Variants in CCL17 observed in about 807,000 individuals in gnomAD.
CCL17 encodes C-C motif chemokine 17.
A neutral mutation model predicts 7.4 loss-of-function variants in CCL17; 8 were observed. The observed-to-expected ratio is 1.09, with a 90% CI of 0.64 to 1.96. CCL17 has a LOEUF of 1.96. Ranked by LOEUF, CCL17 falls within the 30% of genes most tolerant of loss-of-function variation. The probability of loss-of-function intolerance (pLI) is 0.00; values close to 1 mark genes in which losing one functional copy is unlikely to be tolerated. For missense variants in CCL17, 102 were observed against 113.0 expected (o/e 0.90, Z 0.44); for synonymous variants, 40 against 46.1 (o/e 0.87, Z 0.54).
chr16:57,396,903 G>T, the CCL17 span, among the ~76,000 whole-genome samples: 32 of 152,254 alleles, frequency 2.1e-4, no homozygotes, highest in Non-Finnish European at 3.8e-4. Context: ...TTTTTTCATT[G>T]CTTGTGTAAT....
upstream of CCL17, among the ~76,000 whole-genome samples, chr16:57,401,854 C>T (rs1434047097): frequency 3.3e-5 from 5 of 152,190 alleles, no homozygotes; most frequent in East Asian, 1.9e-4. Flanking sequence ...CCCCCGGGGA[C>T]GTCACCTGAG....
chr16:57,400,914 G>A (rs1902582783), upstream of CCL17, among the ~76,000 whole-genome samples: 1 of 151,914 alleles, frequency 6.6e-6, no homozygotes, highest in African/African-American at 2.4e-5. Context: ...GTTGCAGTGA[G>A]TCGAGACCAT....
rs118176633 is a variant in CCL17 at position 57,410,010 on chromosome 16, C to T, written c.-59-3864C>T. ...CGGGCAAGTCACTGCCCTGATGAGC[C>T]TCAGGTGACACTGGTGTGACCGGGA... On this transcript the variant is annotated intron_variant, in intron 1 of 3. Coordinates refer to ENST00000219244, the MANE Select transcript of CCL17 (RefSeq NM_002987.3). Among the ~76,000 whole-genome samples the T allele has an allele frequency of 1.1e-3, 165 of 152,292 alleles. 5 individuals carry two copies. In the East Asian group the frequency reaches 0.028, roughly 26 times the overall value.
chr16:57,415,714 TGG>T lies in CCL17; in HGVS notation c.189-47_189-46del. 1 of 1,231,218 alleles carries T rather than the reference TGG, an allele frequency of 8.1e-7. No homozygotes were observed. Among genetic ancestry groups the T allele is most frequent in the Non-Finnish European group, 1.2e-6 (1 of 831,496 alleles). The allele number at this position is 1,231,218 out of a possible 1,614,324, so 76.3% of individuals were successfully genotyped here. On this transcript the variant is annotated intron_variant, in intron 3 of 3. Transcript: ENST00000219244. The surrounding 1 kb of genome is among the most constrained non-coding windows in gnomAD (Gnocchi z 4.5). ...ACAGGGCGGGCCGTCCCAGGGACTC[TGG>T]GGGCCCTTCCCCCCCTGCCACTCCT...
chr16:57,403,628 TTA>T (rs538555847), upstream of CCL17, among the ~76,000 whole-genome samples: 1 of 80,252 alleles, frequency 1.2e-5, no homozygotes, highest in Admixed American at 2.2e-4. Context: ...ATAATATATA[TTA>T]TATATATTAT....
In CCL17 at chr16:57,411,189, AAGC is replaced by A. The variant is rs371992024; in HGVS notation, c.-59-2684_-59-2682del. On this transcript the variant is annotated intron_variant, in intron 1 of 3. Transcript: ENST00000219244. ...CAGCATCTCCCCAGTCTATGCCCCAAAGCCCTTTAATCTCACCTGCATGTCCCT... is the reference window on the plus strand; with the variant it reads ...CAGCATCTCCCCAGTCTATGCCCCAACCTTTAATCTCACCTGCATGTCCCT... 1.0e-3 allele frequency among the ~76,000 whole-genome samples: 156 copies of A among 152,176 alleles called. 1 individual carries two copies. Among genetic ancestry groups the A allele is most frequent in the African/African-American group, 3.4e-3 (141 of 41,492 alleles).
At chr16:57,404,488 AAGG>A (rs1287065802), upstream of CCL17, among the ~76,000 whole-genome samples, 1 of 151,996 alleles carries the variant, frequency 6.6e-6, no homozygotes, top group Non-Finnish European at 1.5e-5. Flanking sequence ...GCTGGCAGAG[AAGG>A]AGGAGAGAGC....
chr16:57,402,475 G>A (rs188165845), upstream of CCL17, among the ~76,000 whole-genome samples: 223 of 152,250 alleles, frequency 1.5e-3, no homozygotes, highest in African/African-American at 5.2e-3. Flanking sequence ...CCCCCACCCC[G>A]ACTGCAGGCA....
chr16:57,411,433 CAG>C (rs1399660948), intron 1 of CCL17, among the ~76,000 whole-genome samples: 3 of 152,330 alleles, frequency 2.0e-5, no homozygotes, highest in African/African-American at 7.2e-5. Flanking sequence ...CCAGAACAAA[CAG>C]GGGAATTTGG....
rs369902808 is a variant in CCL17, at chr16:57,415,730, C to G, written c.189-35C>G. 27 of 1,416,498 alleles carry G rather than the reference C, an allele frequency of 1.9e-5. No individual in the cohort carries two copies. The highest frequency in any genetic ancestry group is 2.4e-5 in the Non-Finnish European group (24 of 999,922). The allele number at this position is 1,416,498 out of a possible 1,614,324, so 87.7% of individuals were successfully genotyped here. On this transcript the variant is annotated intron_variant, in intron 3 of 3. Coordinates refer to ENST00000219244, the MANE Select transcript of CCL17 (RefSeq NM_002987.3). This position sits in a 1 kb window ranked among gnomAD's most constrained non-coding sequence, Gnocchi z 4.5. Reference sequence around the variant, plus strand: ...CAGGGACTCTGGGGGCCCTTCCCCCCCTGCCACTCCTGGTAACGTCCTCCT... The same window carrying G: ...CAGGGACTCTGGGGGCCCTTCCCCCGCTGCCACTCCTGGTAACGTCCTCCT...
upstream of CCL17, among the ~76,000 whole-genome samples, chr16:57,403,628 T>TA (rs1555511524): frequency 1.2e-5 from 1 of 80,252 alleles, no homozygotes; most frequent in Non-Finnish European, 2.2e-5. Flanking sequence ...ATAATATATA[T>TA]TATATATATT....
chr16:57,398,677 A>G, the CCL17 span, among the ~76,000 whole-genome samples: 1 of 152,208 alleles, frequency 6.6e-6, no homozygotes. Flanking sequence ...TCTGGCTAAG[A>G]TTAGGCCTAG....
chr16:57,407,081 G>A (rs1902707391), intron 1 of CCL17, among the ~76,000 whole-genome samples: 1 of 152,188 alleles, frequency 6.6e-6, no homozygotes, highest in Non-Finnish European at 1.5e-5. Context: ...GGAGCAGTTT[G>A]GTCATGAATG....
In CCL17 at chr16:57,415,305, C is replaced by A. The variant is rs1328940760; in HGVS notation, c.188+107C>A. ...GGGGAGCAGGGAAGAGACAGCGGGG[C>A]CTTCCTCCCCAACCCCTGCAGGCTC... On this transcript the variant is annotated intron_variant, in intron 3 of 3. Transcript: ENST00000219244. This position sits in a 1 kb window ranked among gnomAD's most constrained non-coding sequence, Gnocchi z 4.5. 4 of 769,460 alleles carry A rather than the reference C, an allele frequency of 5.2e-6. No homozygotes were observed. Among genetic ancestry groups the A allele is most frequent in the Non-Finnish European group, 9.2e-6 (4 of 434,012 alleles). 47.7% of individuals were successfully genotyped at this position (769,460 alleles called of 1,614,324 possible).
At chr16:57,405,060 G>A (rs1400116291) in intron 1 of CCL17, among the ~76,000 whole-genome samples, 2 of 152,216 alleles carry the variant, frequency 1.3e-5, no homozygotes, top group Non-Finnish European at 1.5e-5. Context: ...AGGGAGATGA[G>A]ACTGAATAGG....
At chr16:57,410,610 G>C (rs529923701) in intron 1 of CCL17, among the ~76,000 whole-genome samples, 1 of 152,270 alleles carries the variant, frequency 6.6e-6, no homozygotes, top group South Asian at 2.1e-4. Context: ...GCAGCATAAA[G>C]ATCTCTCAAG....
At chr16:57,398,135 C>T in the CCL17 span, among the ~76,000 whole-genome samples, 1 of 152,288 alleles carries the variant, frequency 6.6e-6, no homozygotes, top group African/African-American at 2.4e-5. Flanking sequence ...GTCTGATAGC[C>T]ATAAATTTCT....
At chr16:57,402,093 G>A (rs1902601756), upstream of CCL17, among the ~76,000 whole-genome samples, 1 of 152,250 alleles carries the variant, frequency 6.6e-6, no homozygotes, top group Admixed American at 6.5e-5. Flanking sequence ...GACAGCCACA[G>A]CTCAGAGGGC....
intron 1 of CCL17, among the ~76,000 whole-genome samples, chr16:57,405,877 CAAAAAAAAA>C (rs35155439): frequency 2.9e-5 from 4 of 140,322 alleles, no homozygotes; most frequent in Non-Finnish European, 6.1e-5. Context: ...ACTAAAAATA[CAAAAAAAAA>C]AAAAAATTAG....
Sources: gnomAD v4.1 joint callset for allele counts (sites outside exome capture counted in the v4.1 genomes callset) on GRCh38, gnomAD v4.1.1 for gene constraint, Gnocchi (gnomAD v3.1) non-coding constraint, MANE v1.5 for transcripts, NCBI Gene and HGNC (gene_info 2026-07-23, HGNC 2026-07-21) for gene names.